The following MAX variants were observed in gnomAD, a reference collection of about 807,000 sequenced individuals.
MAX encodes the protein MYC associated transcriptional regulator X.
A neutral mutation model predicts 22.3 loss-of-function variants in MAX; 3 were observed. That is an observed-to-expected ratio of 0.13 (90% CI 0.06 to 0.35). The LOEUF (loss-of-function observed/expected upper bound fraction) is 0.35. Ranked by LOEUF, MAX falls within the 10% of genes least tolerant of loss-of-function variation. MAX has a pLI of 1.00. For synonymous variants in MAX, 72 were observed against 77.7 expected (o/e 0.93, Z 0.39); for missense variants, 119 against 209.4 (o/e 0.57, Z 2.66).
intron 3 of MAX, among the ~76,000 whole-genome samples, chr14:65,042,441 C>CGGTTCACAGTAG: frequency 6.6e-6 from 1 of 152,154 alleles, no homozygotes; most frequent in East Asian, 1.9e-4. Context: ...CTGGCATACA[C>CGGTTCACAGTAG]GGTTCACAGT....
At chr14:65,070,464 G>GA (rs1434860944), downstream of MAX, among the ~76,000 whole-genome samples, 1 of 152,192 alleles carries the variant, frequency 6.6e-6, no homozygotes, top group Admixed American at 6.5e-5. This position sits in a 1 kb window ranked among gnomAD's most constrained non-coding sequence, Gnocchi z 4.4. Context: ...GACAGCAAAG[G>GA]AAAACAATCC....
In MAX at chr14:65,078,782, G is replaced by A. The variant is rs535522838; in HGVS notation, c.172-746C>T. On this transcript the variant is annotated intron_variant, in intron 3 of 4. Coordinates refer to ENST00000358664, the MANE Select transcript of MAX (RefSeq NM_002382.5). This position sits in a 1 kb window ranked among gnomAD's most constrained non-coding sequence, Gnocchi z 6.4. Reference sequence around the variant, plus strand: ...TCACCTCAGGTGATCCACCTACCTCGGCCTCCCAAACTGCTGGGATTACAG... The same window carrying A: ...TCACCTCAGGTGATCCACCTACCTCAGCCTCCCAAACTGCTGGGATTACAG... Among the ~76,000 whole-genome samples the A allele has an allele frequency of 2.2e-4, 33 of 152,164 alleles. No individual in the cohort carries two copies. Among genetic ancestry groups the A allele is most frequent in the Non-Finnish European group, 4.1e-4 (28 of 68,014 alleles).
chr14:65,056,001 C>T (rs191388978), intron 3 of MAX, among the ~76,000 whole-genome samples: 1 of 152,282 alleles, frequency 6.6e-6, no homozygotes, highest in East Asian at 1.9e-4. Flanking sequence ...TTTCCTCCCT[C>T]CTTCTCCAGA....
intron 3 of MAX, among the ~76,000 whole-genome samples, chr14:65,045,977 A>G (rs1320239424): frequency 6.6e-6 from 1 of 152,032 alleles, no homozygotes; most frequent in Admixed American, 6.6e-5. Flanking sequence ...CAAGTCAAAC[A>G]TTTTTTATTT....
intron 3 of MAX, chr14:65,015,512 G>A (rs2061756462): frequency 4.4e-6 from 4 of 904,202 alleles, no homozygotes; most frequent in Non-Finnish European, 6.6e-6. Flanking sequence ...TTTGAGCAAG[G>A]GTGCCCTCCT....
At chr14:65,056,437 A>G (rs941101467) in intron 3 of MAX, among the ~76,000 whole-genome samples, 9 of 152,216 alleles carry the variant, frequency 5.9e-5, no homozygotes, top group African/African-American at 1.9e-4. Context: ...ACATATTGTC[A>G]TCTTTGATAG....
intron 3 of MAX, chr14:65,015,393 G>A (rs1206269543): frequency 5.6e-5 from 21 of 378,090 alleles, no homozygotes; most frequent in Non-Finnish European, 9.1e-5. Context: ...ATGAACCACC[G>A]CGCCCAGCCT....
At position 65,093,610 on chromosome 14, in the gene MAX, G is replaced by A; in HGVS notation, c.171+98C>T. 1.3e-6 allele frequency: 1 copy of A among 763,366 alleles called. No individual in the cohort carries two copies. The allele number at this position is 763,366 out of a possible 1,614,324, so 47.3% of individuals were successfully genotyped here. ...GCAACCATGCTACCTGAATATCTCT[G>A]ACTACATTTCCTTCCCAATAGGTGA... On this transcript the variant is annotated intron_variant, in intron 3 of 4. Transcript: ENST00000358664. The surrounding 1 kb of genome is among the most constrained non-coding windows in gnomAD (Gnocchi z 4.4).
At chr14:65,081,489 T>C (rs1319743074) in intron 3 of MAX, among the ~76,000 whole-genome samples, 2 of 152,164 alleles carry the variant, frequency 1.3e-5, no homozygotes, top group East Asian at 3.9e-4. Context: ...GTTTATAATA[T>C]GTGACCAGCA....
rs1174330237 is a variant in MAX at position 65,011,039 on chromosome 14, G to A, written c.172-4755C>T. ...GATATCCCCTCCCTTTTGAGCCTCA[G>A]TAGTATGTTTTTCCCTTGCAAAACC... On this transcript the variant is annotated intron_variant, in intron 3 of 3. Coordinates refer to the MAX transcript ENST00000341653. The surrounding 1 kb of genome is among the most constrained non-coding windows in gnomAD (Gnocchi z 4.0). 1.3e-5 allele frequency among the ~76,000 whole-genome samples: 2 copies of A among 152,144 alleles called. No individual in the cohort carries two copies. The highest frequency in any genetic ancestry group is 2.9e-5 in the Non-Finnish European group (2 of 68,034).
chr14:65,082,315 C>T lies in MAX; in HGVS notation c.172-4279G>A, dbSNP rs188719164. 29 of 152,286 alleles carry T rather than the reference C, an allele frequency of 1.9e-4. No homozygotes were observed. The highest frequency in any genetic ancestry group is 3.7e-4 in the Non-Finnish European group (25 of 68,036). 9.4% of individuals were successfully genotyped at this position (152,286 alleles called of 1,614,324 possible). The stretch of plus-strand genomic sequence containing the variant: ...CTACGAAAGTCACCTGATTTGCCTA[C>T]AAGGACGTCAAATGGAAGACCCTAG... On this transcript the variant is annotated intron_variant, in intron 3 of 4. Transcript: ENST00000358664. This position sits in a 1 kb window ranked among gnomAD's most constrained non-coding sequence, Gnocchi z 4.8.
chr14:65,048,778 C>T (rs1354944542), intron 3 of MAX, among the ~76,000 whole-genome samples: 5 of 152,092 alleles, frequency 3.3e-5, no homozygotes, highest in Non-Finnish European at 7.4e-5. Context: ...TCACTTGAGT[C>T]TGGGAGGCAG....
At chr14:65,035,810 A>C (rs2062176241) in intron 3 of MAX, among the ~76,000 whole-genome samples, 3 of 150,450 alleles carry the variant, frequency 2.0e-5, no homozygotes, top group Admixed American at 6.6e-5. Flanking sequence ...CAAGGATTAC[A>C]GGCATGAGCC....
rs1211740211 is a variant in MAX, at chr14:65,011,609, TC to T, written c.172-5326del. 7.2e-5 allele frequency among the ~76,000 whole-genome samples: 11 copies of T among 152,198 alleles called. No individual in the cohort carries two copies. The highest frequency in any genetic ancestry group is 2.7e-4 in the African/African-American group (11 of 41,438). On this transcript the variant is annotated intron_variant, in intron 3 of 3. Transcript: ENST00000341653. This position sits in a 1 kb window ranked among gnomAD's most constrained non-coding sequence, Gnocchi z 4.0. ...TGACAATCTGTGCTTTTTGTTTCCT[TC>T]CCTAGTCACACAGGCTCTTCTGCCA... is the stretch of plus-strand genomic sequence containing the variant.
At chr14:65,049,499 CTTG>C (rs766962098) in intron 3 of MAX, among the ~76,000 whole-genome samples, 1 of 152,246 alleles carries the variant, frequency 6.6e-6, no homozygotes, top group South Asian at 2.1e-4. Flanking sequence ...CTGCTTTCAT[CTTG>C]TTGTGATTAT....
rs1449475988 is a variant in MAX, at chr14:65,012,826, A to G, written c.172-6542T>C. Among the ~76,000 whole-genome samples, 1 of 152,232 alleles carries G rather than the reference A, an allele frequency of 6.6e-6. No individual in the cohort carries two copies. The highest frequency in any genetic ancestry group is 1.5e-5 in the Non-Finnish European group (1 of 68,040). On this transcript the variant is annotated intron_variant, in intron 3 of 3. Coordinates refer to the MAX transcript ENST00000341653. This position sits in a 1 kb window ranked among gnomAD's most constrained non-coding sequence, Gnocchi z 5.0. The stretch of plus-strand genomic sequence containing the variant: ...ATTTTCCAACTTCACCACTCCTTCT[A>G]GTAAGTACATTACTTTTCATATCTT...
At chr14:65,064,687 C>T (rs1340524962) in intron 3 of MAX, among the ~76,000 whole-genome samples, 1 of 152,198 alleles carries the variant, frequency 6.6e-6, no homozygotes, top group Non-Finnish European at 1.5e-5. Context: ...AAGTCTTGGT[C>T]ACATGCCTCT....
chr14:65,015,897 A>G (rs2061764906), intron 3 of MAX, among the ~76,000 whole-genome samples: 1 of 152,222 alleles, frequency 6.6e-6, no homozygotes, highest in African/African-American at 2.4e-5. Context: ...AACTAATGTA[A>G]GCTGGTGGGT....
At position 65,044,421 on chromosome 14, in the gene MAX, C is replaced by T. The variant is rs1320216858; in HGVS notation, c.172-38137G>A. On this transcript the variant is annotated intron_variant, in intron 3 of 3. Coordinates refer to the MAX transcript ENST00000341653. The surrounding 1 kb of genome is among the most constrained non-coding windows in gnomAD (Gnocchi z 5.5). ...GGCAGGCGGGGCTCCTGCCCCTGCTCCACCGCGCACTGCACGCCCAAGGTG... is the reference window on the plus strand; with the variant it reads ...GGCAGGCGGGGCTCCTGCCCCTGCTTCACCGCGCACTGCACGCCCAAGGTG... 5 of 1,611,842 alleles carry T rather than the reference C, an allele frequency of 3.1e-6. No individual in the cohort carries two copies. The East Asian group carries it at 8.9e-5, about 29-fold the overall frequency.
Sources: allele counts gnomAD v4.1 joint callset (sites outside exome capture counted in the v4.1 genomes callset), GRCh38; gene constraint gnomAD v4.1.1; non-coding constraint Gnocchi (gnomAD v3.1); transcripts MANE v1.5; gene names NCBI Gene and HGNC (gene_info 2026-07-23, HGNC 2026-07-21).